Variants in IQCJ observed in about 807,000 individuals in gnomAD.
The protein encoded by IQCJ is IQ domain-containing protein J.
A neutral mutation model predicts 11.0 loss-of-function variants in IQCJ; 9 were observed. The observed-to-expected ratio is 0.82, with a 90% confidence interval of 0.49 to 1.43. The LOEUF (loss-of-function observed/expected upper bound fraction) is 1.43. IQCJ is among the 40% of genes most tolerant of loss of function. The pLI, the probability that IQCJ is intolerant of heterozygous loss-of-function variation, is 0.00. For synonymous variants in IQCJ, 55 were observed against 51.3 expected (o/e 1.07, Z -0.31); for missense variants, 146 against 133.2 (o/e 1.10, Z -0.47).
intron 1 of IQCJ, among the ~76,000 whole-genome samples, chr3:159,233,980 T>C (rs762464618): frequency 5.3e-5 from 8 of 152,148 alleles, no homozygotes; most frequent in Admixed American, 3.9e-4. Context: ...TCCGAGCAGT[T>C]TGCAGAACAT....
chr3:159,103,642 A>G (rs754084002), intron 1 of IQCJ, among the ~76,000 whole-genome samples: 14 of 152,234 alleles, frequency 9.2e-5, no homozygotes, highest in Non-Finnish European at 1.5e-4. Context: ...CTAAAATTCC[A>G]TAATGTGGAT....
chr3:159,151,966 T>C (rs1721255383), intron 1 of IQCJ, among the ~76,000 whole-genome samples: 1 of 152,196 alleles, frequency 6.6e-6, no homozygotes, highest in Admixed American at 6.5e-5. Flanking sequence ...TCCTTCTAAA[T>C]ATCAGATTCA....
At chr3:159,151,071 CCT>C (rs1361099899) in intron 1 of IQCJ, among the ~76,000 whole-genome samples, 1 of 152,166 alleles carries the variant, frequency 6.6e-6, no homozygotes, top group East Asian at 1.9e-4. Flanking sequence ...ACTTTTAGCC[CCT>C]GTGTCACCTT....
intron 1 of IQCJ, among the ~76,000 whole-genome samples, chr3:159,156,606 A>G (rs1427182241): frequency 6.6e-6 from 1 of 152,202 alleles, no homozygotes; most frequent in Non-Finnish European, 1.5e-5. Flanking sequence ...ATTGAACCTG[A>G]TGGGTGTTTT....
chr3:159,109,850 C>T (rs1256534390), intron 1 of IQCJ, among the ~76,000 whole-genome samples: 2 of 152,150 alleles, frequency 1.3e-5, no homozygotes, highest in Admixed American at 6.5e-5. Flanking sequence ...CACAAAAAGT[C>T]CTACCTGTTC....
chr3:159,246,661 G>T (rs1727290349), intron 2 of IQCJ, among the ~76,000 whole-genome samples: 1 of 152,170 alleles, frequency 6.6e-6, no homozygotes, highest in South Asian at 2.1e-4. Context: ...CATTGACATT[G>T]CCAAGAGTAT....
Position 159,182,784 on chromosome 3 carries a change from T to TA in IQCJ, c.10-63059_10-63058insA, listed in dbSNP as rs1210985533. Among the ~76,000 whole-genome samples the TA allele has an allele frequency of 4.2e-4, 64 of 151,760 alleles. 1 individual carries two copies. Among genetic ancestry groups the TA allele is most frequent in the Non-Finnish European group, 7.5e-4 (51 of 67,980 alleles). On this transcript the variant is annotated intron_variant, in intron 1 of 3. Coordinates refer to ENST00000397832, the MANE Select transcript of IQCJ (RefSeq NM_001042706.3). Reference sequence around the variant, plus strand: ...AATCTTTATTTTTATTTATTTTATTTTTTTTCACAATGCTTTTCTATCAAT... The same window carrying TA: ...AATCTTTATTTTTATTTATTTTATTTATTTTTCACAATGCTTTTCTATCAAT...
At chr3:159,149,408 T>C (rs1251218481) in intron 1 of IQCJ, among the ~76,000 whole-genome samples, 1 of 152,226 alleles carries the variant, frequency 6.6e-6, no homozygotes, top group Non-Finnish European at 1.5e-5. Context: ...GCTTCTATCG[T>C]ACAGTTTCAC....
chr3:159,087,114 G>A (rs1716838882), intron 1 of IQCJ, among the ~76,000 whole-genome samples: 1 of 152,194 alleles, frequency 6.6e-6, no homozygotes, highest in Admixed American at 6.5e-5. Context: ...TGTATTGAGA[G>A]TTTTTAGCAT....
Position 159,246,416 on chromosome 3 carries a change from G to A in IQCJ, c.74+509G>A, listed in dbSNP as rs150947782. Among the ~76,000 whole-genome samples, 1,084 of 152,226 alleles carry A rather than the reference G, an allele frequency of 7.1e-3. 17 individuals are homozygous for A. Among genetic ancestry groups the A allele is most frequent in the Non-Finnish European group, 0.011 (755 of 68,024 alleles). ...AGAGACTCATCAAATTCTGATTATA[G>A]CCTTTTGATATAGGCATTATTATTT... On this transcript the variant is annotated intron_variant, in intron 2 of 3. Coordinates refer to ENST00000397832, the MANE Select transcript of IQCJ (RefSeq NM_001042706.3).
chr3:159,201,627 C>CTTTTTTTT lies in IQCJ; in HGVS notation c.10-44198_10-44191dup, dbSNP rs71144478. ...AGAAACAAAACTGTTGATAATGATT[C>CTTTTTTTT]TTTTTTTTTTTTTTTTTTTTTTTTT... On this transcript the variant is annotated intron_variant, in intron 1 of 3. Coordinates refer to ENST00000397832, the MANE Select transcript of IQCJ (RefSeq NM_001042706.3). Among the ~76,000 whole-genome samples, 13 of 70,308 alleles carry CTTTTTTTT rather than the reference C, an allele frequency of 1.8e-4. 1 individual carries two copies. Among genetic ancestry groups the CTTTTTTTT allele is most frequent in the South Asian group, 6.1e-4 (1 of 1,650 alleles). The allele number at this position is 70,308 out of a possible 152,430, so 46.1% of individuals were successfully genotyped here.
intron 1 of IQCJ, among the ~76,000 whole-genome samples, chr3:159,244,350 C>G (rs915160844): frequency 3.9e-5 from 6 of 152,076 alleles, no homozygotes; most frequent in Non-Finnish European, 8.8e-5. Flanking sequence ...GATCTGAAAA[C>G]AGCAATGAGG....
At chr3:159,076,067 T>C (rs992270641) in intron 1 of IQCJ, among the ~76,000 whole-genome samples, 27 of 152,254 alleles carry the variant, frequency 1.8e-4, no homozygotes, top group African/African-American at 6.5e-4. Context: ...CAGTTGTAAA[T>C]TCAGGAACCA....
chr3:159,257,902 T>C (rs961585543), intron 3 of IQCJ, among the ~76,000 whole-genome samples: 4 of 152,196 alleles, frequency 2.6e-5, no homozygotes, highest in African/African-American at 9.6e-5. Flanking sequence ...GGCAGGGATC[T>C]GCTCTGAGTT....
chr3:159,174,459 A>G (rs984799101), intron 1 of IQCJ, among the ~76,000 whole-genome samples: 8 of 152,160 alleles, frequency 5.3e-5, no homozygotes, highest in African/African-American at 1.9e-4. Context: ...TCATCTTTCC[A>G]TCACTAAAAA....
intron 1 of IQCJ, among the ~76,000 whole-genome samples, chr3:159,143,551 G>A (rs546768586): frequency 6.6e-5 from 10 of 152,274 alleles, no homozygotes; most frequent in Admixed American, 1.3e-4. Context: ...AACCCAGAGC[G>A]TGGGTCATTG....
intron 1 of IQCJ, among the ~76,000 whole-genome samples, chr3:159,126,160 C>A (rs925737917): frequency 4.6e-5 from 7 of 152,186 alleles, no homozygotes; most frequent in Admixed American, 1.3e-4. Context: ...AGTGTGAAGT[C>A]AGAGTGGAGG....
intron 1 of IQCJ, 30 bp downstream of exon 1, chr3:159,069,471 CT>C (rs1715389096): frequency 6.2e-7 from 1 of 1,604,348 alleles, no homozygotes; most frequent in African/African-American, 1.3e-5. Context: ...AAACGTGCCA[CT>C]TTGATGTGCA....
intron 3 of IQCJ, among the ~76,000 whole-genome samples, chr3:159,261,943 G>C (rs780660732): frequency 6.6e-6 from 1 of 152,144 alleles, no homozygotes; most frequent in Non-Finnish European, 1.5e-5. Context: ...CCCTTCCACA[G>C]TATATAAAAC....
Sources: allele counts gnomAD v4.1 joint callset (sites outside exome capture counted in the v4.1 genomes callset), GRCh38; gene constraint gnomAD v4.1.1; transcripts MANE v1.5; gene names NCBI Gene and HGNC (gene_info 2026-07-23, HGNC 2026-07-21).